The following PPP3R1 variants were observed in gnomAD, a reference collection of about 807,000 sequenced individuals.
The protein encoded by PPP3R1 is calcineurin subunit B type 1.
PPP3R1 carries 5 observed loss-of-function variants against 22.6 expected under a neutral mutation model. That is an observed-to-expected ratio of 0.22 (90% confidence interval 0.12 to 0.46). The LOEUF is 0.46. Ranked by LOEUF, PPP3R1 falls within the 20% of genes least tolerant of loss-of-function variation. The probability of loss-of-function intolerance (pLI) is 0.99; values close to 1 mark genes in which losing one functional copy is unlikely to be tolerated. For synonymous variants in PPP3R1, 56 were observed against 65.2 expected, an observed-to-expected ratio of 0.86 and a Z score of 0.68; for missense variants, 61 against 203.2, an observed-to-expected ratio of 0.30 and a Z score of 4.25.
chr2:68,183,896 G>C (rs1030441620), intron 5 of PPP3R1, among the ~76,000 whole-genome samples: 3 of 152,098 alleles, frequency 2.0e-5, no homozygotes, highest in Non-Finnish European at 4.4e-5. Context: ...TGAATGATCT[G>C]GTAGCACCAT....
intron 2 of PPP3R1, 101 bp from the exon 3 acceptor site, chr2:68,188,791 AG>A (rs1018852806): frequency 4.1e-6 from 4 of 985,476 alleles, no homozygotes; most frequent in East Asian, 2.7e-5. Context: ...TAATAGTTAT[AG>A]GGGGGAAAAA....
chr2:68,204,567 G>C (rs1300380691), intron 2 of PPP3R1, among the ~76,000 whole-genome samples: 1 of 152,066 alleles, frequency 6.6e-6, no homozygotes, highest in African/African-American at 2.4e-5. Context: ...GTTATTTAAA[G>C]TCTCTTTGCT....
In PPP3R1 at chr2:68,240,828, T is replaced by C. The variant is rs1670109630; in HGVS notation, c.3+11297A>G. 2.0e-5 allele frequency among the ~76,000 whole-genome samples: 3 copies of C among 152,222 alleles called. No homozygotes were observed. The South Asian group carries it at 6.2e-4, about 31-fold the overall frequency. On this transcript the variant is annotated intron_variant, in intron 1 of 5. Transcript: ENST00000234310. ...ATGTTGAAGATTTCAGTCTTTATAA[T>C]GCCGGAATTTTAAACGGGAAAGTAA...
intron 2 of PPP3R1, among the ~76,000 whole-genome samples, chr2:68,205,842 G>T (rs1675109435): frequency 6.6e-6 from 1 of 151,212 alleles, no homozygotes; most frequent in African/African-American, 2.4e-5. Context: ...TTTTTGAGAG[G>T]GGGTTTCGCT....
intron 1 of PPP3R1, among the ~76,000 whole-genome samples, chr2:68,234,945 T>C (rs1669991173): frequency 6.6e-6 from 1 of 152,072 alleles, no homozygotes; most frequent in Non-Finnish European, 1.5e-5. Context: ...GAGAGAAAAC[T>C]AAAGGTTAGT....
At chr2:68,223,424 A>G (rs548003179) in intron 1 of PPP3R1, among the ~76,000 whole-genome samples, 6 of 152,310 alleles carry the variant, frequency 3.9e-5, no homozygotes, top group African/African-American at 1.4e-4. Flanking sequence ...AAAGAAAACT[A>G]TATCTAATGT....
chr2:68,220,016 A>C (rs1669656577), intron 1 of PPP3R1, among the ~76,000 whole-genome samples: 1 of 151,260 alleles, frequency 6.6e-6, no homozygotes, highest in African/African-American at 2.4e-5. Flanking sequence ...GAACCACTTG[A>C]CCAGTGTTAA....
At chr2:68,209,348 G>T (rs1205753366) in intron 2 of PPP3R1, among the ~76,000 whole-genome samples, 1 of 80,736 alleles carries the variant, frequency 1.2e-5, no homozygotes, top group East Asian at 4.7e-4. Flanking sequence ...GACAGAGCGA[G>T]ACTCTGTCTC....
intron 1 of PPP3R1, among the ~76,000 whole-genome samples, chr2:68,242,344 T>G (rs1670152928): frequency 6.6e-6 from 1 of 151,688 alleles, no homozygotes. Flanking sequence ...GGGAATTGCT[T>G]GAACCCAGGA....
intron 2 of PPP3R1, among the ~76,000 whole-genome samples, chr2:68,201,151 G>A (rs13402188): frequency 1.3e-5 from 2 of 151,950 alleles, no homozygotes; most frequent in East Asian, 3.9e-4. Context: ...ACATTTTCCA[G>A]ATCTTCCTCT....
intron 2 of PPP3R1, among the ~76,000 whole-genome samples, chr2:68,215,821 G>A (rs1269547901): frequency 6.6e-6 from 1 of 152,014 alleles, no homozygotes; most frequent in Non-Finnish European, 1.5e-5. Context: ...GAAAGTGGGT[G>A]GGGAAAGAGT....
intron 5 of PPP3R1, among the ~76,000 whole-genome samples, chr2:68,183,152 A>C (rs571189378): frequency 6.6e-6 from 1 of 152,344 alleles, no homozygotes; most frequent in Admixed American, 6.5e-5. Flanking sequence ...CAAAATGAGA[A>C]GGCCTTACAT....
rs551744970 is a variant in PPP3R1 at position 68,237,658 on chromosome 2, T to C, written c.3+14467A>G. On this transcript the variant is annotated intron_variant, in intron 1 of 5. Transcript: ENST00000234310. ...TAGCCAGAAGAAATCTAGCACTTCA[T>C]AGTAGCGCTACTGAAGCACTTACTA... is the stretch of plus-strand genomic sequence containing the variant. Among the ~76,000 whole-genome samples the C allele has an allele frequency of 2.1e-3, 326 of 152,284 alleles. 3 individuals are homozygous for C. Among genetic ancestry groups the C allele is most frequent in the African/African-American group, 7.6e-3 (318 of 41,570 alleles).
At chr2:68,199,301 T>A (rs1674907486) in intron 2 of PPP3R1, among the ~76,000 whole-genome samples, 1 of 152,164 alleles carries the variant, frequency 6.6e-6, no homozygotes, top group East Asian at 1.9e-4. Context: ...TATATAGAAA[T>A]TACACTGTTT....
At chr2:68,212,328 ACC>A (rs1338300371) in intron 2 of PPP3R1, among the ~76,000 whole-genome samples, 1 of 152,136 alleles carries the variant, frequency 6.6e-6, no homozygotes, top group Non-Finnish European at 1.5e-5. Context: ...TGATCCACCT[ACC>A]TTGGCCTCCG....
chr2:68,251,563 G>A (rs909284102), intron 1 of PPP3R1, among the ~76,000 whole-genome samples: 9 of 152,236 alleles, frequency 5.9e-5, no homozygotes, highest in African/African-American at 2.2e-4. Context: ...GACGCTCGCA[G>A]GAGAGGGGAA....
At chr2:68,209,085 G>A (rs1461328912) in intron 2 of PPP3R1, among the ~76,000 whole-genome samples, 8 of 151,076 alleles carry the variant, frequency 5.3e-5, no homozygotes, top group African/African-American at 1.7e-4. Flanking sequence ...TTGGCCGGGC[G>A]CGGTGGCTCA....
chr2:68,246,624 C>T lies in PPP3R1; in HGVS notation c.3+5501G>A, dbSNP rs376514523. Among the ~76,000 whole-genome samples, 13 of 152,300 alleles carry T rather than the reference C, an allele frequency of 8.5e-5. No individual in the cohort carries two copies. The South Asian group carries it at 2.5e-3, about 29-fold the overall frequency. On this transcript the variant is annotated intron_variant, in intron 1 of 5. Transcript: ENST00000234310. ...ATCTATTCACTGCTGACTCCTTCCTCTTTAAGACTCCCTTCAATCTGGCAT... is the reference window on the plus strand; with the variant it reads ...ATCTATTCACTGCTGACTCCTTCCTTTTTAAGACTCCCTTCAATCTGGCAT...
intron 1 of PPP3R1, among the ~76,000 whole-genome samples, 179 bp from the exon 2 acceptor site, chr2:68,217,310 G>C (rs1348746665): frequency 6.6e-6 from 1 of 152,010 alleles, no homozygotes; most frequent in Non-Finnish European, 1.5e-5. Flanking sequence ...TAATACTGTA[G>C]AAAGAGTTCT....
Sources: gnomAD v4.1 joint callset for allele counts (sites outside exome capture counted in the v4.1 genomes callset) on GRCh38, gnomAD v4.1.1 for gene constraint, MANE v1.5 for transcripts, NCBI Gene and HGNC (gene_info 2026-07-23, HGNC 2026-07-21) for gene names.